BIVM: variants seen among roughly 807,000 people sequenced by gnomAD.
The protein encoded by BIVM is basic, immunoglobulin-like variable motif containing.
BIVM carries 31 observed loss-of-function variants against 61.4 expected under a neutral mutation model. The ratio of observed to expected loss-of-function variants is 0.51; its 90% CI spans 0.38 to 0.68. The LOEUF (loss-of-function observed/expected upper bound fraction) is 0.68. BIVM is among the 30% of genes least tolerant of loss of function. The probability of loss-of-function intolerance (pLI) is 0.00; values close to 1 mark genes in which losing one functional copy is unlikely to be tolerated. For missense variants in BIVM, 526 were observed against 596.0 expected (o/e 0.88, Z 1.22); for synonymous variants, 189 against 210.7 (o/e 0.90, Z 0.89).
At chr13:102,838,979 C>A (rs1050424998) in intron 10 of BIVM, among the ~76,000 whole-genome samples, 1 of 152,196 alleles carries the variant, frequency 6.6e-6, no homozygotes, top group African/African-American at 2.4e-5. Context: ...AGCTGGTAGT[C>A]TGCTTCACTC....
At chr13:102,825,350 G>A (rs867975351) in intron 7 of BIVM, among the ~76,000 whole-genome samples, 6 of 151,896 alleles carry the variant, frequency 4.0e-5, no homozygotes, top group South Asian at 4.2e-4. Flanking sequence ...CTCCTACCTC[G>A]GCCTCCCAAA....
chr13:102,809,565 A>G (rs1255345910), intron 3 of BIVM, among the ~76,000 whole-genome samples: 1 of 152,216 alleles, frequency 6.6e-6, no homozygotes, highest in African/African-American at 2.4e-5. Context: ...GTCTTGTTCT[A>G]TCAATTACCA....
chr13:102,808,454 T>G (rs1177368536), intron 3 of BIVM, among the ~76,000 whole-genome samples: 1 of 152,188 alleles, frequency 6.6e-6, no homozygotes, highest in Admixed American at 6.5e-5. Context: ...AACTAGGATT[T>G]GTATTTACTT....
Position 102,807,772 on chromosome 13 carries a change from T to G in BIVM, c.478+27T>G, listed in dbSNP as rs999425986. On this transcript the variant is annotated intron_variant, in intron 3 of 10. Transcript: ENST00000257336. The surrounding 1 kb of genome is among the most constrained non-coding windows in gnomAD (Gnocchi z 4.0). ...TAAGGAGGGAGCCATGAAGTTCATA[T>G]GTGAAAATAATGAGAAAACAAACAC... 17 of 1,567,812 alleles carry G rather than the reference T, an allele frequency of 1.1e-5. No individual in the cohort carries two copies. The highest frequency in any genetic ancestry group is 7.4e-5 in the Admixed American group (4 of 54,040).
chr13:102,811,558 T>C (rs562773019), intron 3 of BIVM, among the ~76,000 whole-genome samples: 3 of 152,360 alleles, frequency 2.0e-5, no homozygotes, highest in South Asian at 4.1e-4. Flanking sequence ...AGTTTTGTTC[T>C]TGTTGCCCAG....
chr13:102,838,703 C>G lies in BIVM; in HGVS notation c.1182C>G (p.His394Gln). The G allele has an allele frequency of 1.2e-6, 2 of 1,613,340 alleles. No homozygotes were observed. Among genetic ancestry groups the G allele is most frequent in the South Asian group, 2.2e-5 (2 of 90,970 alleles). The part of the protein sequence containing the change: ...TQNPEYLDIR[H>Q]LERGLQYRKT... ...ATCCAGAATACCTGGATATCCGGCA[C>G]TTAGAGAGGGGACTGCAGTATAGAA... The change falls in exon 10 of 11, where the codon CAC (histidine) becomes CAG (glutamine). Residue 394 changes from histidine to glutamine, a missense_variant. Transcript: ENST00000257336.
chr13:102,828,392 G>A (rs898257466), intron 7 of BIVM, among the ~76,000 whole-genome samples: 1 of 152,038 alleles, frequency 6.6e-6, no homozygotes, highest in African/African-American at 2.4e-5. Context: ...TTTCTAGTGG[G>A]TATTGCAGTT....
chr13:102,830,335 C>T (rs1009150242), intron 7 of BIVM, among the ~76,000 whole-genome samples: 17 of 152,148 alleles, frequency 1.1e-4, no homozygotes, highest in Non-Finnish European at 4.4e-5. Flanking sequence ...AAGTCGATCA[C>T]TGAAACTATG....
At chr13:102,813,420 G>C (rs1879635177) in intron 3 of BIVM, among the ~76,000 whole-genome samples, 1 of 151,872 alleles carries the variant, frequency 6.6e-6, no homozygotes, top group Admixed American at 6.6e-5. Context: ...ATTTATTTTA[G>C]TTCTAGAATT....
chr13:102,808,788 A>G (rs947932213), intron 3 of BIVM, among the ~76,000 whole-genome samples: 1 of 152,064 alleles, frequency 6.6e-6, no homozygotes, highest in South Asian at 2.1e-4. Context: ...TTAATTTCTG[A>G]CAAATTTTAA....
In BIVM at chr13:102,838,753, C is replaced by G; in HGVS notation, c.1218+14C>G. ...AAAACAAAGAAGGTAAGAAGAACAC[C>G]ATTGTGTTTGAAGGCATTTCCCAGC... is the stretch of plus-strand genomic sequence containing the variant. On this transcript the variant is annotated intron_variant, in intron 10 of 10. Transcript: ENST00000257336. 6.2e-7 allele frequency: 1 copy of G among 1,605,218 alleles called. No individual in the cohort carries two copies. Among genetic ancestry groups the G allele is most frequent in the East Asian group, 2.2e-5 (1 of 44,704 alleles).
chr13:102,816,156 C>T (rs1010589042), intron 3 of BIVM, among the ~76,000 whole-genome samples: 3 of 152,138 alleles, frequency 2.0e-5, no homozygotes, highest in East Asian at 3.8e-4. Context: ...GAACCTGACA[C>T]GAAATAGGAT....
rs200487569 is a variant in BIVM at position 102,829,668 on chromosome 13, G to A, written c.902-1897G>A. ...AGCCTGGCCAACATAGTGAAACCCC[G>A]TCTCTACTAAAAATACAAAAATTAG... On this transcript the variant is annotated intron_variant, in intron 7 of 10. Transcript: ENST00000257336. Among the ~76,000 whole-genome samples the A allele has an allele frequency of 6.6e-4, 100 of 151,890 alleles. 2 individuals carry two copies. In the East Asian group the frequency reaches 0.013, roughly 20 times the overall value.
intron 9 of BIVM, 38 bp from the exon 10 acceptor site, chr13:102,838,605 A>G (rs1467675303): frequency 1.7e-5 from 26 of 1,557,588 alleles, no homozygotes; most frequent in Non-Finnish European, 2.2e-5. Flanking sequence ...CTTTAGACCT[A>G]AAGAAAATTG....
rs1880310968 is a variant in BIVM, at chr13:102,821,819, C to T, written c.778C>T (p.Pro260Ser). 6.2e-7 allele frequency: 1 copy of T among 1,613,954 alleles called. No homozygotes were observed. Among genetic ancestry groups the T allele is most frequent in the East Asian group, 2.2e-5 (1 of 44,854 alleles). Residue 260 changes from proline (P) to serine (S), a missense_variant, in exon 6 of 11, where the codon CCT (proline) becomes TCT (serine). Coordinates refer to ENST00000257336, the MANE Select transcript of BIVM (RefSeq NM_017693.4). ...TCCATTTGAAGATATTAGGTTTGGT[C>T]CTTTCACGGGGAATACAACACTTAT... ...QPPFEDIRFG[P>S]FTGNTTLMRW...
At chr13:102,819,639 A>G (rs569152846) in intron 4 of BIVM, among the ~76,000 whole-genome samples, 14 of 152,236 alleles carry the variant, frequency 9.2e-5, no homozygotes, top group Admixed American at 3.3e-4. Context: ...TATCAGGAAA[A>G]ATAGCTAATG....
intron 4 of BIVM, 68 bp from the exon 5 acceptor site, chr13:102,820,969 G>A (rs1000029057): frequency 4.1e-6 from 6 of 1,472,056 alleles, no homozygotes; most frequent in Non-Finnish European, 3.7e-6. Context: ...ATTGCCATGA[G>A]TTTTCTATTT....
chr13:102,815,063 A>G (rs1017908589), intron 3 of BIVM, among the ~76,000 whole-genome samples: 2 of 152,108 alleles, frequency 1.3e-5, no homozygotes, highest in Non-Finnish European at 2.9e-5. Flanking sequence ...AAACAAACAA[A>G]CAAACAAAAA....
chr13:102,836,307 C>T (rs543193806), intron 9 of BIVM, among the ~76,000 whole-genome samples: 12 of 152,058 alleles, frequency 7.9e-5, no homozygotes, highest in African/African-American at 2.9e-4. Context: ...GTTTAGATTT[C>T]TGATCCCTTT....
Sources: gnomAD v4.1 joint callset for allele counts (sites outside exome capture counted in the v4.1 genomes callset) on GRCh38, gnomAD v4.1.1 for gene constraint, Gnocchi (gnomAD v3.1) non-coding constraint, MANE v1.5 for transcripts, NCBI Gene and HGNC (gene_info 2026-07-23, HGNC 2026-07-21) for gene names.